FAM107A: variants seen among roughly 807,000 people sequenced by gnomAD.
The protein encoded by FAM107A is family with sequence similarity 107 member A.
Under a neutral mutation model 13.7 loss-of-function variants are expected in FAM107A, and 19 were observed. That is an observed-to-expected ratio of 1.38 (90% CI 0.97 to 2.03). The LOEUF is 2.03. Ranked by LOEUF, FAM107A falls within the 30% of genes most tolerant of loss-of-function variation. FAM107A has a pLI of 0.00. For missense variants in FAM107A, 203 were observed against 184.4 expected, an observed-to-expected ratio of 1.10 and a Z score of -0.58; for synonymous variants, 82 against 74.5, an observed-to-expected ratio of 1.10 and a Z score of -0.52.
At chr3:58,586,832 G>A (rs913505496) in intron 1 of FAM107A, 62 of 1,518,418 alleles carry the variant, frequency 4.1e-5, no homozygotes, top group Non-Finnish European at 4.7e-5. Flanking sequence ...ACTTCCCGCG[G>A]CGAGGGTGGC....
chr3:58,615,691 T>A (rs571547106), intron 1 of FAM107A, among the ~76,000 whole-genome samples: 1 of 151,944 alleles, frequency 6.6e-6, no homozygotes, highest in East Asian at 1.9e-4. Flanking sequence ...AGCCCAGAAG[T>A]TGGAGACCAG....
At chr3:58,622,977 G>T (rs2065971540) in intron 1 of FAM107A, among the ~76,000 whole-genome samples, 1 of 152,122 alleles carries the variant, frequency 6.6e-6, no homozygotes, top group Admixed American at 6.5e-5. Flanking sequence ...GAGTCAGGGT[G>T]ATGGGATGGC....
At chr3:58,579,182 TC>T (rs1239353074), upstream of FAM107A, among the ~76,000 whole-genome samples, 2 of 151,942 alleles carry the variant, frequency 1.3e-5, no homozygotes, top group Admixed American at 1.3e-4. Context: ...GGGAGAGTCT[TC>T]GTAGGGTGGG....
At chr3:58,600,415 CATG>C (rs1466119338) in intron 1 of FAM107A, among the ~76,000 whole-genome samples, 6 of 152,192 alleles carry the variant, frequency 3.9e-5, no homozygotes, top group African/African-American at 1.4e-4. Context: ...ATGCAGCAGG[CATG>C]ATCTTAACTA....
At chr3:58,593,740 G>T (rs62257884) in intron 1 of FAM107A, among the ~76,000 whole-genome samples, 1 of 151,844 alleles carries the variant, frequency 6.6e-6, no homozygotes, top group Non-Finnish European at 1.5e-5. Context: ...TAGCATTTCC[G>T]TTTCTTCCTG....
At chr3:58,623,600 A>G (rs1186458757) in intron 1 of FAM107A, among the ~76,000 whole-genome samples, 1 of 152,222 alleles carries the variant, frequency 6.6e-6, no homozygotes, top group East Asian at 1.9e-4. Flanking sequence ...AGATGCCCCG[A>G]CAGGGGCTCC....
At chr3:58,616,653 G>A (rs2065904604) in intron 1 of FAM107A, among the ~76,000 whole-genome samples, 1 of 151,820 alleles carries the variant, frequency 6.6e-6, no homozygotes, top group South Asian at 2.1e-4. Context: ...ACCACCAAAA[G>A]CTAAGAGAAG....
intron 1 of FAM107A, among the ~76,000 whole-genome samples, chr3:58,612,923 G>A (rs1191683657): frequency 7.0e-6 from 1 of 142,508 alleles, no homozygotes; most frequent in African/African-American, 2.9e-5. Context: ...GCAGCCATGT[G>A]GGTCTCTTCC....
At chr3:58,615,713 T>C (rs148824528) in intron 1 of FAM107A, among the ~76,000 whole-genome samples, 7,994 of 151,766 alleles carry the variant, frequency 0.053, 293 homozygotes, top group South Asian at 0.089. Context: ...CTGGGCAACA[T>C]GGTGAGACAC....
At chr3:58,570,269 A>G (rs886767072) in intron 1 of FAM107A, 1 of 434,796 alleles carries the variant, frequency 2.3e-6, no homozygotes, top group African/African-American at 2.1e-5. Context: ...TAAAAAGAGT[A>G]ACATGTACTT....
chr3:58,608,851 T>G (rs986734039), intron 1 of FAM107A: 1 of 152,244 alleles, frequency 6.6e-6, no homozygotes, highest in Non-Finnish European at 1.5e-5. Flanking sequence ...GCAGCCACTT[T>G]CCTGGTTATT....
chr3:58,612,020 A>T (rs7649957), intron 1 of FAM107A, among the ~76,000 whole-genome samples: 141,084 of 151,928 alleles, frequency 0.93, 65,655 homozygotes, highest in Non-Finnish European at 0.96. Flanking sequence ...GAAACCAGCT[A>T]CCTTAAGGAT....
exon 1 of FAM107A, chr3:58,587,032 G>A (rs935065047): frequency 1.4e-5 from 19 of 1,368,040 alleles, no homozygotes; most frequent in Middle Eastern, 2.6e-4. Flanking sequence ...CGACGGTGAC[G>A]CGGCCCCAAG....
At chr3:58,620,707 G>A (rs1006681029) in intron 1 of FAM107A, among the ~76,000 whole-genome samples, 11 of 152,340 alleles carry the variant, frequency 7.2e-5, no homozygotes, top group Admixed American at 2.0e-4. Flanking sequence ...AGGGTGGGCC[G>A]GATGTCCCAC....
In FAM107A at chr3:58,569,719, G is replaced by A. The variant is rs768393615; in HGVS notation, c.142C>T (p.His48Tyr). The A allele has an allele frequency of 6.2e-7, 1 of 1,613,922 alleles. No homozygotes were observed. Among genetic ancestry groups the A allele is most frequent in the Non-Finnish European group, 8.5e-7 (1 of 1,179,928 alleles). Residue 48 changes from histidine to tyrosine, a missense_variant, in exon 2 of 4, where the codon CAC (histidine) becomes TAC (tyrosine). His to Tyr is a moderately conservative substitution (Grantham distance 83). Coordinates refer to ENST00000360997, the MANE Select transcript of FAM107A (RefSeq NM_001076778.3). This position sits in a 1 kb window ranked among gnomAD's most constrained non-coding sequence, Gnocchi z 5.7. Reference protein sequence around the residue: ...VKASRSHQELHRELLMNHRRG... With the variant: ...VKASRSHQELYRELLMNHRRG... ...CTGTGGTTCATGAGCAGCTCCCGGT[G>A]GAGCTCCTGGTGACTCCGAGAGGCC...
upstream of FAM107A, among the ~76,000 whole-genome samples, chr3:58,579,863 A>G (rs558188511): frequency 1.6e-4 from 24 of 152,294 alleles, no homozygotes; most frequent in South Asian, 5.0e-3. Context: ...TTCTCCCACA[A>G]AAACTCTTCT....
At chr3:58,573,834 C>T (rs2063707927) in intron 1 of FAM107A, among the ~76,000 whole-genome samples, 1 of 152,210 alleles carries the variant, frequency 6.6e-6, no homozygotes, top group East Asian at 1.9e-4. Flanking sequence ...CTGGGACACA[C>T]CACGCCCACT....
chr3:58,616,699 G>T (rs928181419), intron 1 of FAM107A, among the ~76,000 whole-genome samples: 4 of 152,126 alleles, frequency 2.6e-5, no homozygotes, highest in Non-Finnish European at 1.5e-5. Context: ...CTTCTGAGGA[G>T]CACTCCCTGC....
Position 58,617,608 on chromosome 3 carries a change from G to A in FAM107A, c.-70+9808C>T, listed in dbSNP as rs546364041. Among the ~76,000 whole-genome samples, 7 of 152,248 alleles carry A rather than the reference G, an allele frequency of 4.6e-5. No individual in the cohort carries two copies. In the South Asian group the frequency reaches 8.3e-4, roughly 18 times the overall value. On this transcript the variant is annotated intron_variant, in intron 1 of 3. Coordinates refer to the FAM107A transcript ENST00000465970. The surrounding 1 kb of genome is among the most constrained non-coding windows in gnomAD (Gnocchi z 4.5). ...TGGGAGACACAGTGTTCTGAAAGCC[G>A]ATCCCTGGGGCCCAGGGAGGGAGCT...
Sources: gnomAD v4.1 joint callset for allele counts (sites outside exome capture counted in the v4.1 genomes callset) on GRCh38, gnomAD v4.1.1 for gene constraint, Gnocchi (gnomAD v3.1) non-coding constraint, MANE v1.5 for transcripts, NCBI Gene and HGNC (gene_info 2026-07-23, HGNC 2026-07-21) for gene names.